The following CDKAL1 variants were observed in gnomAD, a reference collection of about 807,000 sequenced individuals.
CDKAL1 encodes threonylcarbamoyladenosine tRNA methylthiotransferase.
A neutral mutation model predicts 68.2 loss-of-function variants in CDKAL1; 32 were observed. The observed-to-expected ratio is 0.47, with a 90% CI of 0.35 to 0.63. CDKAL1 has a LOEUF of 0.63. Among genes scored for constraint, CDKAL1 ranks in the 30% least tolerant of loss-of-function variants. The probability of loss-of-function intolerance (pLI) is 0.00; values close to 1 mark genes in which losing one functional copy is unlikely to be tolerated. For missense variants in CDKAL1, 606 were observed against 696.7 expected, an observed-to-expected ratio of 0.87 and a Z score of 1.47; for synonymous variants, 234 against 244.3, an observed-to-expected ratio of 0.96 and a Z score of 0.39.
Position 20,701,353 on chromosome 6 carries a change from G to A in CDKAL1, c.372-38166G>A, listed in dbSNP as rs941792954. 2.0e-5 allele frequency among the ~76,000 whole-genome samples: 3 copies of A among 148,922 alleles called. No homozygotes were observed. The South Asian group carries it at 6.5e-4, about 32-fold the overall frequency. On this transcript the variant is annotated intron_variant, in intron 5 of 15. Transcript: ENST00000274695. Reference sequence around the variant, plus strand: ...TGTTTCTAGCTTTCTTGGAAAAACCGATGAATGGCAGTGCTGGGCCTGCAC... The same window carrying A: ...TGTTTCTAGCTTTCTTGGAAAAACCAATGAATGGCAGTGCTGGGCCTGCAC...
At chr6:20,536,331 G>T (rs948439525) in intron 2 of CDKAL1, among the ~76,000 whole-genome samples, 2 of 152,026 alleles carry the variant, frequency 1.3e-5, no homozygotes, top group African/African-American at 4.8e-5. Flanking sequence ...ACATCATAAA[G>T]ATTTGTGCTT....
intron 4 of CDKAL1, chr6:20,559,388 T>A (rs2127667065): frequency 6.6e-6 from 1 of 152,334 alleles, no homozygotes; most frequent in Non-Finnish European, 1.5e-5. Flanking sequence ...CCAAAATGAA[T>A]GCCCACTAAA....
chr6:20,558,870 C>G (rs571152380), intron 4 of CDKAL1: 18 of 305,676 alleles, frequency 5.9e-5, no homozygotes, highest in Middle Eastern at 1.2e-3. Context: ...CTCAACCAAT[C>G]CACCTGCCTC....
intron 4 of CDKAL1, among the ~76,000 whole-genome samples, chr6:20,591,966 T>C (rs1032465910): frequency 1.3e-5 from 2 of 152,230 alleles, no homozygotes; most frequent in African/African-American, 2.4e-5. Flanking sequence ...TTGGATAGTA[T>C]GGCCATTTTC....
At chr6:21,186,499 G>C (rs180920970) in intron 13 of CDKAL1, among the ~76,000 whole-genome samples, 1 of 152,312 alleles carries the variant, frequency 6.6e-6, no homozygotes, top group Non-Finnish European at 1.5e-5. Flanking sequence ...AATGGAAAAT[G>C]ACAGATTGGA....
chr6:20,769,504 C>T (rs1237674532), intron 7 of CDKAL1, among the ~76,000 whole-genome samples: 2 of 151,976 alleles, frequency 1.3e-5, no homozygotes, highest in East Asian at 3.9e-4. Flanking sequence ...TGTGATCTCC[C>T]CCGCCTTGTC....
At chr6:20,860,823 C>CA (rs745731583) in intron 9 of CDKAL1, among the ~76,000 whole-genome samples, 69 of 134,256 alleles carry the variant, frequency 5.1e-4, no homozygotes, top group African/African-American at 1.2e-3. Context: ...ACTCCATCTA[C>CA]AAAAAAAAAA....
intron 8 of CDKAL1, among the ~76,000 whole-genome samples, chr6:20,834,288 C>G (rs1384520057): frequency 6.6e-6 from 1 of 152,196 alleles, no homozygotes; most frequent in Non-Finnish European, 1.5e-5. Flanking sequence ...CAGCTTGTCC[C>G]TTGCCTTTAG....
At chr6:21,132,894 T>C (rs1039224399) in intron 13 of CDKAL1, among the ~76,000 whole-genome samples, 3 of 152,138 alleles carry the variant, frequency 2.0e-5, no homozygotes, top group Non-Finnish European at 4.4e-5. Flanking sequence ...TCAGAGGTTC[T>C]ACAGAGCATG....
At chr6:20,741,955 C>G (rs1389858151) in intron 6 of CDKAL1, among the ~76,000 whole-genome samples, 1 of 152,164 alleles carries the variant, frequency 6.6e-6, no homozygotes, top group Non-Finnish European at 1.5e-5. Context: ...CTTTTCTCCA[C>G]AGTCTTGCCA....
chr6:20,708,018 A>T (rs778855449), intron 5 of CDKAL1, among the ~76,000 whole-genome samples: 1 of 152,220 alleles, frequency 6.6e-6, no homozygotes, highest in Non-Finnish European at 1.5e-5. Context: ...AAAGCACTTA[A>T]TTGCAATTAC....
At chr6:21,036,244 G>A (rs577971318) in intron 11 of CDKAL1, among the ~76,000 whole-genome samples, 4 of 152,150 alleles carry the variant, frequency 2.6e-5, no homozygotes, top group African/African-American at 9.6e-5. Context: ...GTAACTTCAG[G>A]TTGAACACAT....
chr6:21,179,521 A>G (rs1403163242), intron 13 of CDKAL1, among the ~76,000 whole-genome samples: 1 of 152,126 alleles, frequency 6.6e-6, no homozygotes, highest in Non-Finnish European at 1.5e-5. Context: ...TTTGTTTCAT[A>G]TTTTTGCCTA....
rs375768553 is a variant in CDKAL1, at chr6:20,889,866, C to G, written c.742+43688C>G. On this transcript the variant is annotated intron_variant, in intron 9 of 15. Coordinates refer to ENST00000274695, the MANE Select transcript of CDKAL1 (RefSeq NM_017774.3). The stretch of plus-strand genomic sequence containing the variant: ...GGGCTCTTTTTCAGTTCCATATGAA[C>G]TTTAAAGTAGTTTTTTCCAATTCTG... Among the ~76,000 whole-genome samples the G allele has an allele frequency of 1.7e-3, 266 of 152,202 alleles. 8 individuals carry two copies. The South Asian group carries it at 0.049, about 28-fold the overall frequency.
At chr6:21,163,530 A>C (rs1025257445) in intron 13 of CDKAL1, among the ~76,000 whole-genome samples, 6 of 152,214 alleles carry the variant, frequency 3.9e-5, no homozygotes, top group African/African-American at 1.4e-4. Context: ...CTCCCTCAAA[A>C]GTTCTTTAAC....
intron 5 of CDKAL1, among the ~76,000 whole-genome samples, chr6:20,652,525 C>T (rs1199366893): frequency 3.3e-5 from 5 of 152,084 alleles, no homozygotes; most frequent in African/African-American, 1.2e-4. Flanking sequence ...GAAATTATTT[C>T]CTCATTCCAT....
At chr6:20,969,133 A>G (rs748890188) in intron 10 of CDKAL1, among the ~76,000 whole-genome samples, 43 of 152,128 alleles carry the variant, frequency 2.8e-4, no homozygotes, top group Non-Finnish European at 5.1e-4. Flanking sequence ...TGAACAATGC[A>G]CGGCTTAGAG....
chr6:20,679,622 T>C (rs1483189600), intron 5 of CDKAL1, among the ~76,000 whole-genome samples: 1 of 152,258 alleles, frequency 6.6e-6, no homozygotes, highest in Admixed American at 6.5e-5. Context: ...AAAAACTTTT[T>C]ATATAGCCTT....
intron 13 of CDKAL1, among the ~76,000 whole-genome samples, chr6:21,192,230 C>A (rs566188291): frequency 1.3e-5 from 2 of 149,592 alleles, no homozygotes; most frequent in Non-Finnish European, 3.0e-5. Flanking sequence ...ACCTTGTTAG[C>A]CAGGATGGTC....
Sources: gnomAD v4.1 joint callset for allele counts (sites outside exome capture counted in the v4.1 genomes callset) on GRCh38, gnomAD v4.1.1 for gene constraint, MANE v1.5 for transcripts, NCBI Gene and HGNC (gene_info 2026-07-23, HGNC 2026-07-21) for gene names.